The following NUP98 variants were observed in gnomAD, a reference collection of about 807,000 sequenced individuals.
NUP98 encodes the protein nucleoporin 98 and 96 precursor, also known as nuclear pore complex protein Nup98-Nup96.
NUP98 carries 26 observed loss-of-function variants against 191.9 expected under a neutral mutation model. The ratio of observed to expected loss-of-function variants is 0.14; its 90% confidence interval spans 0.10 to 0.19. NUP98 has a LOEUF of 0.19. Ranked by LOEUF, NUP98 falls within the 10% of genes least tolerant of loss-of-function variation. The pLI is 1.00. For missense variants in NUP98, 1,941 were observed against 2,178.8 expected, an observed-to-expected ratio of 0.89 and a Z score of 2.17; for synonymous variants, 808 against 778.4, an observed-to-expected ratio of 1.04 and a Z score of -0.63.
chr11:3,734,122 G>C (rs1291463988), intron 13 of NUP98, among the ~76,000 whole-genome samples: 1 of 150,924 alleles, frequency 6.6e-6, no homozygotes, highest in Non-Finnish European at 1.5e-5. Context: ...TGCAACCTCT[G>C]CCTCCCAGGT....
chr11:3,697,509 A>G (rs1423458021), intron 25 of NUP98, among the ~76,000 whole-genome samples: 1 of 152,130 alleles, frequency 6.6e-6, no homozygotes, highest in Non-Finnish European at 1.5e-5. Context: ...GCCATCCTGT[A>G]TTCTTATCAA....
chr11:3,788,717 T>C (rs1589979638), intron 1 of NUP98, among the ~76,000 whole-genome samples: 1 of 152,156 alleles, frequency 6.6e-6, no homozygotes. Context: ...AGGCCCAAAG[T>C]GGGCGGATCA....
At chr11:3,680,517 T>C (rs575509036) in intron 30 of NUP98, among the ~76,000 whole-genome samples, 5 of 152,206 alleles carry the variant, frequency 3.3e-5, no homozygotes, top group Admixed American at 6.5e-5. Flanking sequence ...TGTTGATATT[T>C]TGACCTCCTT....
chr11:3,768,752 GAAAAAGAAAAA>G lies in NUP98; in HGVS notation c.785-19_785-9del, dbSNP rs146552084. On this transcript the variant is annotated splice_polypyrimidine_tract_variant and intron_variant, in intron 7 of 32. Coordinates refer to ENST00000324932, the MANE Select transcript of NUP98 (RefSeq NM_016320.5). ...TTCCAAATCCAGTTGTACCTTTTAG[GAAAAAGAAAAA>G]AAAAAGAAAAAAGAAATAATAAAAA... 347,511 of 1,452,546 alleles carry G rather than the reference GAAAAAGAAAAA, an allele frequency of 0.24. 43,528 individuals carry two copies. Among genetic ancestry groups the G allele is most frequent in the African/African-American group, 0.4 (27,654 of 69,044 alleles). The allele number at this position is 1,452,546 out of a possible 1,614,324, so 90.0% of individuals were successfully genotyped here.
chr11:3,676,081 C>G lies in NUP98; in HGVS notation c.*78G>C, dbSNP rs74892418. On this transcript the variant is annotated 3_prime_UTR_variant, in exon 33 of 33. Transcript: ENST00000324932. ...CACAGCCAACCCAGAGAATGGCAAA[C>G]AGTGCCAATCCAAACAAGGCAGGGA... 3,046 of 1,384,448 alleles carry G rather than the reference C, an allele frequency of 2.2e-3. 29 individuals carry two copies. The African/African-American group carries it at 0.031, about 14-fold the overall frequency. The allele number at this position is 1,384,448 out of a possible 1,614,324, so 85.8% of individuals were successfully genotyped here.
chr11:3,693,117 T>C, intron 27 of NUP98, 115 bp downstream of exon 27: 2 of 992,876 alleles, frequency 2.0e-6, no homozygotes, highest in South Asian at 3.2e-5. Context: ...GAAGTAGCCT[T>C]GTCCAGAGGA....
At chr11:3,783,319 T>G (rs2082038288) in intron 1 of NUP98, among the ~76,000 whole-genome samples, 1 of 151,930 alleles carries the variant, frequency 6.6e-6, no homozygotes, top group African/African-American at 2.4e-5. Context: ...GCCCAGAAGG[T>G]GGAGGTTGCT....
In NUP98 at chr11:3,719,521, C is replaced by T; in HGVS notation, c.2290G>A (p.Val764Met). The T allele has an allele frequency of 6.3e-7, 1 of 1,589,936 alleles. No individual in the cohort carries two copies. The highest frequency in any genetic ancestry group is 2.3e-5 in the East Asian group (1 of 43,546). Residue 764 changes from valine (V) to methionine (M), a missense_variant, in exon 18 of 33, where the codon GTG becomes ATG. Val to Met is a conservative substitution (Grantham distance 21). This residue lies in a region of NUP98 where 453 missense variants were observed against 438.2 expected (regional missense o/e 1.03). Coordinates refer to ENST00000324932, the MANE Select transcript of NUP98 (RefSeq NM_016320.5). ...GYGSIYFEGD[V>M]NLTNLNLDDI... ...TCCAAATTTAGATTTGTCAAATTCA[C>T]ATCTCCTTCAAAATAGATTGAACCA...
intron 12 of NUP98, among the ~76,000 whole-genome samples, chr11:3,739,690 T>A (rs896397407): frequency 6.6e-6 from 1 of 151,890 alleles, no homozygotes. Flanking sequence ...TGACAAACAA[T>A]GGGAAGGTGG....
At chr11:3,684,941 G>T (rs1453314474) in intron 29 of NUP98, among the ~76,000 whole-genome samples, 1 of 152,116 alleles carries the variant, frequency 6.6e-6, no homozygotes, top group African/African-American at 2.4e-5. Context: ...GCAGCATAAT[G>T]ATAAGAGCAC....
chr11:3,738,306 A>G (rs2080150664), intron 12 of NUP98, among the ~76,000 whole-genome samples: 1 of 152,208 alleles, frequency 6.6e-6, no homozygotes, highest in African/African-American at 2.4e-5. Flanking sequence ...ATCTTGGTCA[A>G]AATAATTTGA....
At chr11:3,765,826 CAATTTT>C (rs1323641940) in intron 8 of NUP98, among the ~76,000 whole-genome samples, 2 of 149,384 alleles carry the variant, frequency 1.3e-5, no homozygotes, top group African/African-American at 4.9e-5. Flanking sequence ...AAAAATTGAT[CAATTTT>C]AACTTTTGCA....
chr11:3,782,370 A>AC (rs781140875), intron 1 of NUP98, among the ~76,000 whole-genome samples: 1 of 152,102 alleles, frequency 6.6e-6, no homozygotes, highest in Non-Finnish European at 1.5e-5. Context: ...GTGAGGTTAA[A>AC]CTTCAGATCC....
chr11:3,764,026 C>G (rs1359363770), intron 8 of NUP98, among the ~76,000 whole-genome samples: 1 of 152,206 alleles, frequency 6.6e-6, no homozygotes, highest in Non-Finnish European at 1.5e-5. Context: ...AAAATTCACT[C>G]ATTTACAGTG....
intron 11 of NUP98, among the ~76,000 whole-genome samples, chr11:3,749,083 T>C: frequency 7.1e-6 from 1 of 140,434 alleles, no homozygotes; most frequent in East Asian, 2.1e-4. Context: ...CCGAGGCGGG[T>C]GGATCATGAG....
At chr11:3,728,724 G>A (rs978187710) in intron 14 of NUP98, among the ~76,000 whole-genome samples, 3 of 152,100 alleles carry the variant, frequency 2.0e-5, no homozygotes, top group Admixed American at 1.3e-4. Flanking sequence ...GGGCAACACA[G>A]CAAGACTCCA....
chr11:3,695,883 C>A (rs567574055), intron 25 of NUP98, among the ~76,000 whole-genome samples: 1 of 152,218 alleles, frequency 6.6e-6, no homozygotes, highest in Non-Finnish European at 1.5e-5. Context: ...CTAGGCAAGA[C>A]ACCTCAGCTA....
At chr11:3,770,717 CAT>C (rs970177519) in intron 7 of NUP98, among the ~76,000 whole-genome samples, 3 of 152,130 alleles carry the variant, frequency 2.0e-5, no homozygotes, top group Non-Finnish European at 4.4e-5. Flanking sequence ...CTTTGTATCA[CAT>C]ATGTGCATTA....
At chr11:3,748,620 C>T (rs1486349388) in intron 11 of NUP98, among the ~76,000 whole-genome samples, 4 of 152,008 alleles carry the variant, frequency 2.6e-5, no homozygotes, top group Non-Finnish European at 5.9e-5. Context: ...GCCTGGCCAA[C>T]ATGGTGAAAC....
Sources: gnomAD v4.1 joint callset for allele counts (sites outside exome capture counted in the v4.1 genomes callset) on GRCh38, gnomAD v4.1.1 for gene constraint, gnomAD v4.1.1 regional missense constraint, MANE v1.5 for transcripts, NCBI Gene and HGNC (gene_info 2026-07-23, HGNC 2026-07-21) for gene names.